The following TMEM38A variants were observed in gnomAD, a reference collection of about 807,000 sequenced individuals.
The protein encoded by TMEM38A is trimeric intracellular cation channel type A.
TMEM38A carries 17 observed loss-of-function variants against 28.6 expected under a neutral mutation model. The observed-to-expected ratio is 0.60, with a 90% confidence interval of 0.41 to 0.89. The LOEUF (loss-of-function observed/expected upper bound fraction) is 0.89, where lower values mean the gene tolerates loss of function less well. Among genes scored for constraint, TMEM38A ranks in the 40% least tolerant of loss-of-function variants. The pLI, the probability that TMEM38A is intolerant of heterozygous loss-of-function variation, is 0.00. For synonymous variants in TMEM38A, 169 were observed against 166.1 expected (o/e 1.02, Z -0.14); for missense variants, 328 against 393.1 (o/e 0.83, Z 1.40).
At chr19:16,680,300 G>A in intron 2 of TMEM38A, 97 bp from the exon 3 acceptor site, 4 of 1,511,124 alleles carry the variant, frequency 2.6e-6, no homozygotes, top group African/African-American at 1.4e-5. Flanking sequence ...TCTAGGCACA[G>A]CACGTTGGGG....
chr19:16,682,551 T>C, intron 4 of TMEM38A, 43 bp downstream of exon 4: 18 of 1,570,948 alleles, frequency 1.1e-5, no homozygotes, highest in Non-Finnish European at 1.5e-5. Flanking sequence ...CTCCTGTATG[T>C]CCGGGTGCCT....
At chr19:16,675,237 ATTTG>A (rs1599388399) in intron 1 of TMEM38A, among the ~76,000 whole-genome samples, 1 of 151,902 alleles carries the variant, frequency 6.6e-6, no homozygotes, top group East Asian at 1.9e-4. Flanking sequence ...CATGACTCTT[ATTTG>A]TTTATTTATT....
At chr19:16,677,120 T>C (rs1394187730) in intron 1 of TMEM38A, among the ~76,000 whole-genome samples, 1 of 148,938 alleles carries the variant, frequency 6.7e-6, no homozygotes, top group Non-Finnish European at 1.5e-5. Context: ...GACTCAGCAA[T>C]GGGGTTTTCA....
intron 1 of TMEM38A, among the ~76,000 whole-genome samples, chr19:16,662,229 A>G (rs1247733080): frequency 6.6e-6 from 1 of 152,116 alleles, no homozygotes; most frequent in Non-Finnish European, 1.5e-5. Context: ...CCTTTCTCCC[A>G]CTTAGATGTA....
intron 1 of TMEM38A, among the ~76,000 whole-genome samples, chr19:16,675,344 C>G (rs80145094): frequency 0.051 from 7,716 of 151,952 alleles, 386 homozygotes; most frequent in East Asian, 0.25. Flanking sequence ...AGTGGTCCTC[C>G]CACCTCAGAA....
At chr19:16,670,279 T>G (rs1267366532) in intron 1 of TMEM38A, among the ~76,000 whole-genome samples, 5 of 146,596 alleles carry the variant, frequency 3.4e-5, no homozygotes, top group African/African-American at 1.0e-4. Flanking sequence ...GTTTTTTGTT[T>G]TTTTTTTTTT....
intron 4 of TMEM38A, among the ~76,000 whole-genome samples, chr19:16,685,087 A>T (rs930955595): frequency 9.7e-6 from 1 of 103,284 alleles, no homozygotes; most frequent in Middle Eastern, 5.3e-3. Context: ...AATAAATAAA[A>T]CGAAATCAGC....
intron 1 of TMEM38A, among the ~76,000 whole-genome samples, chr19:16,674,041 G>A (rs570681094): frequency 8.9e-4 from 135 of 152,106 alleles, no homozygotes; most frequent in African/African-American, 3.0e-3. Context: ...AGCTATGATT[G>A]CATCACTGCA....
In TMEM38A at chr19:16,663,664, G is replaced by C. The variant is rs576357309; in HGVS notation, c.124+2323G>C. Among the ~76,000 whole-genome samples, 23 of 151,636 alleles carry C rather than the reference G, an allele frequency of 1.5e-4. No homozygotes were observed. The East Asian group carries it at 4.5e-3, about 30-fold the overall frequency. ...CTGCCTCAGCCTCCCAAGTAGCTGG[G>C]ACTACAGGCGCCCACCACCATGCCC... On this transcript the variant is annotated intron_variant, in intron 1 of 5. Transcript: ENST00000187762.
intron 4 of TMEM38A, among the ~76,000 whole-genome samples, chr19:16,683,951 C>A (rs1221324752): frequency 3.6e-5 from 5 of 140,426 alleles, no homozygotes; most frequent in Non-Finnish European, 6.0e-5. Context: ...GCCTGGGCAG[C>A]AAGAGCGAAA....
chr19:16,673,868 A>T (rs2086738063), intron 1 of TMEM38A, among the ~76,000 whole-genome samples: 1 of 151,924 alleles, frequency 6.6e-6, no homozygotes, highest in Admixed American at 6.6e-5. Flanking sequence ...CAGGAGGATC[A>T]TTTGAAGCCA....
rs935903700 is a variant in TMEM38A at position 16,662,406 on chromosome 19, C to T, written c.124+1065C>T. ...TCTTGATGTCTCTTCTATTCATTTA[C>T]GGCTATATAGTTATAAACGTAAATG... On this transcript the variant is annotated intron_variant, in intron 1 of 5. Transcript: ENST00000187762. Among the ~76,000 whole-genome samples, 5 of 142,574 alleles carry T rather than the reference C, an allele frequency of 3.5e-5. No individual in the cohort carries two copies. In the South Asian group the frequency reaches 6.6e-4, roughly 19 times the overall value. The allele number at this position is 142,574 out of a possible 152,430, so 93.5% of individuals were successfully genotyped here.
intron 1 of TMEM38A, among the ~76,000 whole-genome samples, chr19:16,676,435 A>G (rs2086751822): frequency 6.6e-6 from 1 of 152,318 alleles, no homozygotes; most frequent in South Asian, 2.1e-4. Flanking sequence ...TTTCATTAGA[A>G]TAAGTTGTAT....
chr19:16,687,930 G>T (rs1297368689), intron 5 of TMEM38A, among the ~76,000 whole-genome samples: 2 of 152,268 alleles, frequency 1.3e-5, no homozygotes, highest in Middle Eastern at 3.4e-3. Flanking sequence ...CTTTCCAGGG[G>T]TCAACACTTG....
chr19:16,679,252 CGTGTGTGTGTGT>C (rs35543309), intron 1 of TMEM38A, among the ~76,000 whole-genome samples: 4,701 of 128,356 alleles, frequency 0.037, 159 homozygotes, highest in African/African-American at 0.093. Flanking sequence ...TCTTTTGTTT[CGTGTGTGTGTGT>C]GTGTGTGTGT....
At chr19:16,670,863 CG>C (rs2086724294) in intron 1 of TMEM38A, among the ~76,000 whole-genome samples, 1 of 151,992 alleles carries the variant, frequency 6.6e-6, no homozygotes, top group Non-Finnish European at 1.5e-5. Context: ...CACTTGAACC[CG>C]GGAGGTGGAG....
intron 1 of TMEM38A, among the ~76,000 whole-genome samples, chr19:16,675,752 T>G (rs2086748093): frequency 6.6e-6 from 1 of 150,934 alleles, no homozygotes; most frequent in Admixed American, 6.6e-5. Context: ...TTTCACCATA[T>G]TGGCCAGGCT....
At chr19:16,684,243 G>A (rs551389266) in intron 4 of TMEM38A, among the ~76,000 whole-genome samples, 1 of 152,246 alleles carries the variant, frequency 6.6e-6, no homozygotes, top group African/African-American at 2.4e-5. Context: ...GGAAGCTGAG[G>A]TAGGGGGATT....
chr19:16,663,453 G>A (rs2086690815), intron 1 of TMEM38A, among the ~76,000 whole-genome samples: 1 of 152,080 alleles, frequency 6.6e-6, no homozygotes, highest in Admixed American at 6.6e-5. Flanking sequence ...AGAGCCTGAA[G>A]GTTCCTGAAG....
Sources: allele counts gnomAD v4.1 joint callset (sites outside exome capture counted in the v4.1 genomes callset), GRCh38; gene constraint gnomAD v4.1.1; transcripts MANE v1.5; gene names NCBI Gene and HGNC (gene_info 2026-07-23, HGNC 2026-07-21).